FHIT: variants seen among roughly 807,000 people sequenced by gnomAD.
FHIT encodes the protein bis(5'-adenosyl)-triphosphatase.
Under a neutral mutation model 17.9 loss-of-function variants are expected in FHIT, and 19 were observed. The ratio of observed to expected loss-of-function variants is 1.06; its 90% confidence interval spans 0.74 to 1.56. The LOEUF is 1.56. FHIT is among the 40% of genes most tolerant of loss of function. The probability of loss-of-function intolerance (pLI) is 0.00; values close to 1 mark genes in which losing one functional copy is unlikely to be tolerated. For synonymous variants in FHIT, 81 were observed against 69.7 expected (o/e 1.16, Z -0.81); for missense variants, 248 against 189.2 (o/e 1.31, Z -1.82).
chr3:59,927,688 G>C (rs967022768), intron 7 of FHIT, among the ~76,000 whole-genome samples: 10 of 152,116 alleles, frequency 6.6e-5, no homozygotes, highest in Admixed American at 5.2e-4. Flanking sequence ...AGAATCGCTT[G>C]AACCCGGGAG....
chr3:60,329,287 A>T (rs1440557108), intron 5 of FHIT, among the ~76,000 whole-genome samples: 4 of 152,044 alleles, frequency 2.6e-5, no homozygotes, highest in Admixed American at 2.6e-4. Context: ...TGAGTGTTCT[A>T]GCCATTAGCC....
At chr3:60,182,230 G>A (rs910926475) in intron 5 of FHIT, among the ~76,000 whole-genome samples, 14 of 152,102 alleles carry the variant, frequency 9.2e-5, no homozygotes, top group Admixed American at 3.9e-4. Flanking sequence ...ATCTGAAAAC[G>A]GGATTGACTA....
chr3:60,461,607 T>G (rs1579912), intron 5 of FHIT, among the ~76,000 whole-genome samples: 25,081 of 152,188 alleles, frequency 0.16, 2,564 homozygotes, highest in East Asian at 0.42. Context: ...CATCACCACT[T>G]GAAATTATTC....
At chr3:60,116,126 T>G (rs7648380) in intron 5 of FHIT, among the ~76,000 whole-genome samples, 76,439 of 152,042 alleles carry the variant, frequency 0.5, 19,854 homozygotes, top group African/African-American at 0.6. Flanking sequence ...TATGCTAAGG[T>G]GTTATGACAA....
Position 59,873,766 on chromosome 3 carries a change from G to T in FHIT, c.348+48580C>A, listed in dbSNP as rs377047695. ...ACCCAACTGAGAACCACTGGTCTAG[G>T]GTGGCGCCCAATTTACACCCACTGT... On this transcript the variant is annotated intron_variant, in intron 8 of 9. Transcript: ENST00000492590. Among the ~76,000 whole-genome samples the T allele has an allele frequency of 2.6e-5, 4 of 152,118 alleles. No individual in the cohort carries two copies. The South Asian group carries it at 8.3e-4, about 32-fold the overall frequency.
At chr3:61,178,232 C>A (rs1233710743) in intron 2 of FHIT, among the ~76,000 whole-genome samples, 1 of 151,814 alleles carries the variant, frequency 6.6e-6, no homozygotes, top group Non-Finnish European at 1.5e-5. Flanking sequence ...TGAATGAAAC[C>A]ATTACTGGAC....
At chr3:60,215,408 G>C (rs1172810493) in intron 5 of FHIT, among the ~76,000 whole-genome samples, 1 of 151,846 alleles carries the variant, frequency 6.6e-6, no homozygotes, top group African/African-American at 2.4e-5. Context: ...GAACCTGAGA[G>C]GCAGAGGTCA....
intron 8 of FHIT, among the ~76,000 whole-genome samples, chr3:59,917,404 G>C (rs1705183885): frequency 6.6e-6 from 1 of 152,198 alleles, no homozygotes; most frequent in African/African-American, 2.4e-5. Flanking sequence ...GATACAGCTA[G>C]GGTAAGTCTT....
intron 5 of FHIT, among the ~76,000 whole-genome samples, chr3:60,088,450 C>G (rs564143272): frequency 1.3e-5 from 2 of 152,288 alleles, no homozygotes; most frequent in South Asian, 2.1e-4. Context: ...TTCCAAGAAA[C>G]CTGTACCTTC....
At chr3:61,212,337 G>A (rs946785766) in intron 1 of FHIT, among the ~76,000 whole-genome samples, 5 of 152,194 alleles carry the variant, frequency 3.3e-5, no homozygotes, top group South Asian at 2.1e-4. Context: ...GCCAAGGCAC[G>A]AGAACTACGT....
At chr3:60,894,500 TG>T (rs1245723789) in intron 3 of FHIT, among the ~76,000 whole-genome samples, 2 of 152,130 alleles carry the variant, frequency 1.3e-5, no homozygotes, top group Non-Finnish European at 2.9e-5. Context: ...AGAGATGATG[TG>T]AGACGCACAG....
At chr3:60,088,512 C>T (rs752340880) in intron 5 of FHIT, among the ~76,000 whole-genome samples, 1 of 152,294 alleles carries the variant, frequency 6.6e-6, no homozygotes, top group Non-Finnish European at 1.5e-5. Flanking sequence ...ATCATCATGT[C>T]ATGGAAACCC....
chr3:60,427,493 A>G (rs1353465023), intron 5 of FHIT, among the ~76,000 whole-genome samples: 1 of 152,120 alleles, frequency 6.6e-6, no homozygotes, highest in African/African-American at 2.4e-5. Context: ...TGGTGAGACA[A>G]TAAATTTCTG....
rs565591381 is a variant in FHIT at position 60,657,024 on chromosome 3, T to G, written c.-17-120045A>C. Among the ~76,000 whole-genome samples, 3 of 152,108 alleles carry G rather than the reference T, an allele frequency of 2.0e-5. No homozygotes were observed. The South Asian group carries it at 6.2e-4, about 32-fold the overall frequency. On this transcript the variant is annotated intron_variant, in intron 4 of 9. Coordinates refer to ENST00000492590, the MANE Select transcript of FHIT (RefSeq NM_002012.4). ...ACAAATAAAAGCCAAATGAATACTT[T>G]AGACAAATTCAAACTCAAACTTAGA...
At chr3:60,014,479 A>C (rs1286243299) in intron 5 of FHIT, among the ~76,000 whole-genome samples, 1 of 152,144 alleles carries the variant, frequency 6.6e-6, no homozygotes, top group Admixed American at 6.6e-5. Flanking sequence ...TTCTCTCTTG[A>C]CCCCTATTCT....
chr3:60,529,615 G>C (rs241701), intron 5 of FHIT, among the ~76,000 whole-genome samples: 15,916 of 152,114 alleles, frequency 0.1, 1,065 homozygotes, highest in Middle Eastern at 0.18. Flanking sequence ...GTCTTTTCCT[G>C]TTCCTTAAAA....
At chr3:60,790,357 A>C (rs1443001180) in intron 4 of FHIT, among the ~76,000 whole-genome samples, 6 of 152,222 alleles carry the variant, frequency 3.9e-5, no homozygotes, top group African/African-American at 1.4e-4. Context: ...CATTAGATTC[A>C]AATATGTCAC....
intron 8 of FHIT, among the ~76,000 whole-genome samples, chr3:59,803,502 G>A (rs1286136138): frequency 6.6e-6 from 1 of 152,210 alleles, no homozygotes; most frequent in Non-Finnish European, 1.5e-5. Flanking sequence ...TCTCATTAGA[G>A]TGGGGGATGT....
chr3:60,461,267 C>G (rs484579), intron 5 of FHIT, among the ~76,000 whole-genome samples: 157 of 152,240 alleles, frequency 1.0e-3, no homozygotes, highest in African/African-American at 3.6e-3. Flanking sequence ...AAAAATCCAG[C>G]TCTACAGTTC....
Sources: gnomAD v4.1 joint callset for allele counts (sites outside exome capture counted in the v4.1 genomes callset) on GRCh38, gnomAD v4.1.1 for gene constraint, MANE v1.5 for transcripts, NCBI Gene and HGNC (gene_info 2026-07-23, HGNC 2026-07-21) for gene names.